KIAA0319L: variants seen among roughly 807,000 people sequenced by gnomAD.
The protein encoded by KIAA0319L is KIAA0319 like, also known as dyslexia-associated protein KIAA0319-like protein.
Under a neutral mutation model 120.1 loss-of-function variants are expected in KIAA0319L, and 55 were observed. The ratio of observed to expected loss-of-function variants is 0.46; its 90% confidence interval spans 0.37 to 0.57. KIAA0319L has a LOEUF of 0.57. KIAA0319L is among the 20% of genes least tolerant of loss of function. The probability of loss-of-function intolerance (pLI) is 0.00; values close to 1 mark genes in which losing one functional copy is unlikely to be tolerated. For synonymous variants in KIAA0319L, 398 were observed against 471.9 expected, an observed-to-expected ratio of 0.84 and a Z score of 2.03; for missense variants, 1,049 against 1,255.3, an observed-to-expected ratio of 0.84 and a Z score of 2.48.
intron 3 of KIAA0319L, among the ~76,000 whole-genome samples, chr1:35,500,453 T>C (rs916287362): frequency 5.3e-5 from 8 of 152,202 alleles, no homozygotes; most frequent in African/African-American, 1.9e-4. Context: ...CGGGAATATA[T>C]TGATGACATT....
At chr1:35,454,169 G>A in intron 11 of KIAA0319L, 193 bp downstream of exon 11, 1 of 545,664 alleles carries the variant, frequency 1.8e-6, no homozygotes. Flanking sequence ...GGCACAAGCT[G>A]AGGCTGGGAA....
At chr1:35,442,378 G>T in intron 18 of KIAA0319L, 42 bp from the exon 19 acceptor site, 2 of 1,502,534 alleles carry the variant, frequency 1.3e-6, no homozygotes, top group Non-Finnish European at 1.9e-6. Context: ...GGAGGGAGAG[G>T]CTGGGAGGGA....
chr1:35,554,560 T>G lies in KIAA0319L; in HGVS notation c.-28-41A>C, dbSNP rs1647649058. 18 of 1,259,228 alleles carry G rather than the reference T, an allele frequency of 1.4e-5. No homozygotes were observed. In the East Asian group the frequency reaches 4.3e-4, roughly 30 times the overall value. 78.0% of individuals were successfully genotyped at this position (1,259,228 alleles called of 1,614,324 possible). A position where few individuals can be genotyped will look rare whatever the true frequency, so the allele number is the denominator to read the frequency against. ...GAGAAGAAATTACATGCCGAGTAAT[T>G]AATAATTAATTCCTGGAAATGTGGA... On this transcript the variant is annotated intron_variant, in intron 1 of 20. Coordinates refer to ENST00000325722, the MANE Select transcript of KIAA0319L (RefSeq NM_024874.5).
intron 3 of KIAA0319L, among the ~76,000 whole-genome samples, chr1:35,494,709 G>A (rs1359859979): frequency 6.6e-6 from 1 of 151,954 alleles, no homozygotes; most frequent in East Asian, 1.9e-4. Context: ...TACTTGGGAG[G>A]CTGAAGTGGG....
rs1198710657 is a variant in KIAA0319L, at chr1:35,484,806, A to ATTT, written c.667-5597_667-5595dup. The stretch of plus-strand genomic sequence containing the variant: ...TATATATATATATATATATATATAT[A>ATTT]TTTTTTTTTTTATTATACTCTAAGT... On this transcript the variant is annotated intron_variant, in intron 3 of 20. Transcript: ENST00000325722. Among the ~76,000 whole-genome samples the ATTT allele has an allele frequency of 2.0e-3, 173 of 86,204 alleles. 2 individuals carry two copies. The highest frequency in any genetic ancestry group is 5.5e-3 in the Middle Eastern group (1 of 182). The allele number at this position is 86,204 out of a possible 152,430, so 56.6% of individuals were successfully genotyped here.
In KIAA0319L at chr1:35,448,390, C is replaced by A. The variant is rs61384513; in HGVS notation, c.2354-58G>T. 2,257 of 1,500,006 alleles carry A rather than the reference C, an allele frequency of 1.5e-3. 28 individuals carry two copies. The African/African-American group carries it at 0.029, about 19-fold the overall frequency. 92.9% of individuals were successfully genotyped at this position (1,500,006 alleles called of 1,614,324 possible). A position where few individuals can be genotyped will look rare whatever the true frequency, so the allele number is the denominator to read the frequency against. On this transcript the variant is annotated intron_variant, in intron 15 of 20. Coordinates refer to ENST00000325722, the MANE Select transcript of KIAA0319L (RefSeq NM_024874.5). ...AAGTAGGAGAGTAAACACAGACCTG[C>A]CACTGTGCATTTGCTTTGGCACAGG... is the stretch of plus-strand genomic sequence containing the variant.
chr1:35,454,689 A>T, intron 10 of KIAA0319L: 1 of 1,304,166 alleles, frequency 7.7e-7, no homozygotes, highest in Non-Finnish European at 1.0e-6. Flanking sequence ...TCAAGGAAAC[A>T]ACCCTCTCTG....
chr1:35,485,493 T>G (rs1402961879), intron 3 of KIAA0319L, among the ~76,000 whole-genome samples: 3 of 152,212 alleles, frequency 2.0e-5, no homozygotes, highest in African/African-American at 7.2e-5. Flanking sequence ...CCCTTTAATT[T>G]TTACTTTTTA....
intron 2 of KIAA0319L, among the ~76,000 whole-genome samples, chr1:35,537,821 GTTTA>G (rs1209627790): frequency 1.3e-5 from 2 of 152,056 alleles, no homozygotes; most frequent in African/African-American, 4.8e-5. Context: ...TTGAGAGCCA[GTTTA>G]TTTAAATTAA....
chr1:35,540,936 T>C (rs888151422), intron 2 of KIAA0319L, among the ~76,000 whole-genome samples: 2 of 152,024 alleles, frequency 1.3e-5, no homozygotes, highest in African/African-American at 2.4e-5. Flanking sequence ...CTCACCAATG[T>C]ATTAATTTTC....
intron 2 of KIAA0319L, among the ~76,000 whole-genome samples, chr1:35,540,412 G>GC (rs1646743308): frequency 6.6e-6 from 1 of 152,218 alleles, no homozygotes; most frequent in Admixed American, 6.5e-5. Flanking sequence ...AAAAGGGCAG[G>GC]AGCACCCTAA....
Position 35,456,109 on chromosome 1 carries a change from G to A in KIAA0319L, c.1560C>T (p.Ile520=). The change falls in exon 10 of 21, where the codon ATC becomes ATT. Residue 520 remains isoleucine, a synonymous_variant. Transcript: ENST00000325722. ...CAGTGCTCTGGTTCCCAAAGAGGGT[G>A]ATGGAGTTTTGGGGCAGGGTGATCA... is the stretch of plus-strand genomic sequence containing the variant. The part of the protein sequence containing the change: ...NQVITLPQNS[I]TLFGNQSTDD... The A allele has an allele frequency of 6.2e-7, 1 of 1,614,096 alleles. No individual in the cohort carries two copies. Among genetic ancestry groups the A allele is most frequent in the Non-Finnish European group, 8.5e-7 (1 of 1,180,024 alleles).
chr1:35,547,915 A>G (rs1647045360), intron 2 of KIAA0319L, among the ~76,000 whole-genome samples: 1 of 152,148 alleles, frequency 6.6e-6, no homozygotes, highest in South Asian at 2.1e-4. Context: ...CAAGGCCAGG[A>G]GTTTGACACC....
chr1:35,443,605 G>A (rs1034371865), intron 17 of KIAA0319L, among the ~76,000 whole-genome samples: 7 of 152,008 alleles, frequency 4.6e-5, no homozygotes, highest in South Asian at 2.1e-4. Flanking sequence ...CCGGGGGGGC[G>A]GAGGTTGCAG....
intron 2 of KIAA0319L, among the ~76,000 whole-genome samples, chr1:35,526,819 A>C (rs1363141700): frequency 1.3e-5 from 2 of 152,162 alleles, no homozygotes. Flanking sequence ...TAATCTCAAC[A>C]CTTTGGGAGG....
intron 3 of KIAA0319L, among the ~76,000 whole-genome samples, chr1:35,496,060 G>A (rs180776885): frequency 2.0e-5 from 3 of 152,144 alleles, no homozygotes; most frequent in South Asian, 2.1e-4. Flanking sequence ...CATTAATCAC[G>A]GAAATGTAAA....
intron 2 of KIAA0319L, among the ~76,000 whole-genome samples, chr1:35,526,198 A>T (rs1162211963): frequency 6.7e-6 from 1 of 150,264 alleles, no homozygotes; most frequent in Non-Finnish European, 1.5e-5. Context: ...AGTCTATGTG[A>T]CTGTCTGTTT....
At chr1:35,496,294 C>T (rs923898813) in intron 3 of KIAA0319L, among the ~76,000 whole-genome samples, 10 of 151,990 alleles carry the variant, frequency 6.6e-5, no homozygotes, top group African/African-American at 1.9e-4. Flanking sequence ...GTGGCAGGTG[C>T]CTGTAATCCC....
intron 2 of KIAA0319L, among the ~76,000 whole-genome samples, chr1:35,524,032 AC>A (rs1646027284): frequency 6.6e-6 from 1 of 152,160 alleles, no homozygotes; most frequent in South Asian, 2.1e-4. Context: ...AGGATGGAAA[AC>A]TAAAAGGAAC....
Sources: allele counts gnomAD v4.1 joint callset (sites outside exome capture counted in the v4.1 genomes callset), GRCh38; gene constraint gnomAD v4.1.1; transcripts MANE v1.5; gene names NCBI Gene and HGNC (gene_info 2026-07-23, HGNC 2026-07-21).